The following SCML2 variants were observed in gnomAD, a reference collection of about 807,000 sequenced individuals.
SCML2 encodes the protein Scm polycomb group protein like 2, also known as sex comb on midleg-like protein 2.
In SCML2, 6 loss-of-function variants were observed where a neutral mutation model predicts 48.4. The ratio of observed to expected loss-of-function variants is 0.12; its 90% confidence interval spans 0.07 to 0.24. SCML2 has a LOEUF of 0.24. SCML2 is among the 10% of genes least tolerant of loss of function. The pLI is 1.00. For missense variants in SCML2, 377 were observed against 528.2 expected (o/e 0.71, Z 2.81); for synonymous variants, 181 against 189.5 (o/e 0.95, Z 0.37).
chrX:18,318,225 G>A (rs1929195494), intron 6 of SCML2, among the ~76,000 whole-genome samples: 1 of 112,749 alleles, frequency 8.9e-6, no homozygotes, highest in Non-Finnish European at 1.9e-5. Flanking sequence ...CTTGCAGGTA[G>A]GGCAAGTCCA....
Position 18,308,002 on chromosome X carries a change from G to A in SCML2, c.487-2787C>T, listed in dbSNP as rs750362482. 3.7e-5 allele frequency among the ~76,000 whole-genome samples: 4 copies of A among 109,338 alleles called. No individual in the cohort carries two copies. The South Asian group carries it at 1.2e-3, about 33-fold the overall frequency. 94.9% of individuals were successfully genotyped at this position (109,338 alleles called of 115,157 possible). A position where few individuals can be genotyped will look rare whatever the true frequency, so the allele number is the denominator to read the frequency against. ...CCAGCTACTCAGTAGGCTGAGGCAG[G>A]AGAATCGCTTGAATCCAGGAGGCGG... On this transcript the variant is annotated intron_variant, in intron 6 of 14. Transcript: ENST00000251900.
At chrX:18,254,322 A>G (rs1361635364) in intron 11 of SCML2, among the ~76,000 whole-genome samples, 3 of 112,098 alleles carry the variant, frequency 2.7e-5, no homozygotes, top group Non-Finnish European at 5.6e-5. Flanking sequence ...TAATAACCTC[A>G]TAGCATTTAT....
intron 9 of SCML2, 94 bp downstream of exon 9, chrX:18,260,077 C>T (rs1465755783): frequency 1.7e-5 from 10 of 578,292 alleles, no homozygotes; most frequent in Non-Finnish European, 2.5e-5. Flanking sequence ...CATCTTTTTC[C>T]CTTATTATTT....
chrX:18,286,252 C>T (rs1928048756), intron 7 of SCML2, among the ~76,000 whole-genome samples: 1 of 111,728 alleles, frequency 9.0e-6, no homozygotes, highest in Admixed American at 9.5e-5. Flanking sequence ...ACCAGCCATT[C>T]TAAATACATA....
At chrX:18,270,702 AC>A (rs993944293) in intron 7 of SCML2, among the ~76,000 whole-genome samples, 9 of 111,134 alleles carry the variant, frequency 8.1e-5, no homozygotes, top group African/African-American at 2.9e-4. Flanking sequence ...ACATATATAC[AC>A]ACACACACAC....
At chrX:18,297,157 A>G (rs1189029838) in intron 7 of SCML2, among the ~76,000 whole-genome samples, 1 of 112,331 alleles carries the variant, frequency 8.9e-6, no homozygotes, top group Admixed American at 9.4e-5. Flanking sequence ...CAGATGCAGA[A>G]AAAGCATTTG....
At chrX:18,327,280 C>T (rs1171561177) in intron 3 of SCML2, among the ~76,000 whole-genome samples, 1 of 110,653 alleles carries the variant, frequency 9.0e-6, no homozygotes, top group African/African-American at 3.3e-5. Flanking sequence ...AGGAGAATCG[C>T]TTGAACCCGG....
chrX:18,340,387 C>T (rs1326631403), intron 1 of SCML2, among the ~76,000 whole-genome samples: 2 of 112,246 alleles, frequency 1.8e-5, no homozygotes, highest in Non-Finnish European at 3.8e-5. Flanking sequence ...CCAGCTTGCG[C>T]AACAGAGTGA....
chrX:18,241,415 C>A, intron 14 of SCML2, 36 bp from the exon 15 acceptor site: 1 of 1,037,882 alleles, frequency 9.6e-7, no homozygotes, highest in Non-Finnish European at 1.3e-6. Context: ...ATTAATAATG[C>A]TTTCATATCA....
At chrX:18,304,393 T>C (rs937945701) in intron 7 of SCML2, among the ~76,000 whole-genome samples, 1 of 111,796 alleles carries the variant, frequency 8.9e-6, no homozygotes, top group African/African-American at 3.3e-5. Flanking sequence ...TAGAAGATCA[T>C]AGTACTCAGC....
intron 11 of SCML2, among the ~76,000 whole-genome samples, chrX:18,251,210 C>T (rs1926645639): frequency 9.8e-6 from 1 of 101,785 alleles, no homozygotes; most frequent in Admixed American, 1.1e-4. Flanking sequence ...ACTCTGGAGG[C>T]TGAGGTGGGA....
intron 7 of SCML2, among the ~76,000 whole-genome samples, chrX:18,283,894 C>T (rs1927952496): frequency 8.9e-6 from 1 of 112,212 alleles, no homozygotes; most frequent in Non-Finnish European, 1.9e-5. Flanking sequence ...CTATTGCTAA[C>T]AAACTATTAG....
chrX:18,353,514 C>T (rs1246303066), intron 1 of SCML2, among the ~76,000 whole-genome samples: 1 of 112,407 alleles, frequency 8.9e-6, no homozygotes, highest in African/African-American at 3.2e-5. Context: ...CCTCAGTTTA[C>T]CCCCACTAAT....
intron 2 of SCML2, among the ~76,000 whole-genome samples, chrX:18,330,950 C>T (rs12847468): frequency 9.0e-6 from 1 of 110,796 alleles, no homozygotes; most frequent in East Asian, 2.8e-4. Flanking sequence ...TCGCAACACT[C>T]TCAAGCATTT....
At chrX:18,260,031 A>T in intron 9 of SCML2, 140 bp downstream of exon 9, 1 of 414,609 alleles carries the variant, frequency 2.4e-6, no homozygotes. Flanking sequence ...AAAATACTTT[A>T]ATATGAAAAA....
intron 1 of SCML2, among the ~76,000 whole-genome samples, chrX:18,340,531 C>T (rs1487234473): frequency 5.4e-5 from 6 of 111,663 alleles, no homozygotes; most frequent in Admixed American, 1.9e-4. Context: ...TAAACAAGGC[C>T]GGATGTGGTG....
chrX:18,323,518 G>A (rs931725544), intron 5 of SCML2, among the ~76,000 whole-genome samples: 2 of 111,341 alleles, frequency 1.8e-5, no homozygotes, highest in African/African-American at 6.5e-5. Flanking sequence ...GAGAGCATGT[G>A]CCTTGTATCA....
At chrX:18,324,746 T>C (rs190680369) in intron 4 of SCML2, among the ~76,000 whole-genome samples, 161 bp downstream of exon 4, 40 of 112,162 alleles carry the variant, frequency 3.6e-4, no homozygotes, top group African/African-American at 1.2e-3. Context: ...ATACCTGACA[T>C]AGAGTAAGTT....
At chrX:18,252,084 G>T (rs1926683929) in intron 11 of SCML2, among the ~76,000 whole-genome samples, 1 of 111,781 alleles carries the variant, frequency 8.9e-6, no homozygotes, top group African/African-American at 3.3e-5. Flanking sequence ...GACCAGCCTG[G>T]ATGACATAGT....
Sources: allele counts gnomAD v4.1 joint callset (sites outside exome capture counted in the v4.1 genomes callset), GRCh38; gene constraint gnomAD v4.1.1; transcripts MANE v1.5; gene names NCBI Gene and HGNC (gene_info 2026-07-23, HGNC 2026-07-21).